Variants in VWF observed in about 807,000 individuals in gnomAD.
VWF encodes the protein von Willebrand factor, also known as Factor VIII related antigen.
VWF carries 176 observed loss-of-function variants against 308.6 expected under a neutral mutation model. The observed-to-expected ratio is 0.57, with a 90% CI of 0.50 to 0.65. The LOEUF (loss-of-function observed/expected upper bound fraction) is 0.65. VWF is among the 30% of genes least tolerant of loss of function. VWF has a pLI of 0.00. For missense variants in VWF, 3,146 were observed against 3,648.2 expected (o/e 0.86, Z 3.55); for synonymous variants, 1,385 against 1,443.4 (o/e 0.96, Z 0.92).
chr12:6,000,795 G>C (rs985006682), intron 34 of VWF, among the ~76,000 whole-genome samples: 3 of 117,100 alleles, frequency 2.6e-5, no homozygotes, highest in Admixed American at 1.2e-4. Context: ...CTGAGCCACA[G>C]AGCGAGACTC....
chr12:5,994,441 A>C lies in VWF; in HGVS notation c.6230T>G (p.Phe2077Cys). The C allele has an allele frequency of 6.2e-7, 1 of 1,614,182 alleles. No homozygotes were observed. The highest frequency in any genetic ancestry group is 8.5e-7 in the Non-Finnish European group (1 of 1,180,024). ...ACACAGACCATACGTCTTTGAAGCA[A>C]AAGTCTTGGGGCTGAGCTGCAGTTG... ...EFQLQLSPKT[F>C]ASKTYGLCGI... Residue 2077 changes from phenylalanine to cysteine, a missense_variant, in exon 36 of 52, where the codon TTT becomes TGT. Physicochemically the swap from Phe to Cys is radical, Grantham distance 205. Transcript: ENST00000261405.
intron 3 of VWF, among the ~76,000 whole-genome samples, chr12:6,112,118 C>A (rs941580493): frequency 1.3e-5 from 2 of 152,068 alleles, no homozygotes; most frequent in South Asian, 4.1e-4. Flanking sequence ...GTGGGTCAAA[C>A]GCCTTACACA....
chr12:6,102,427 G>A (rs1591918817), intron 5 of VWF, among the ~76,000 whole-genome samples: 1 of 147,430 alleles, frequency 6.8e-6, no homozygotes, highest in South Asian at 2.2e-4. Context: ...GGGCTACACA[G>A]TAAGACTGTC....
chr12:6,023,729 A>G lies in VWF; in HGVS notation c.3281T>C (p.Ile1094Thr), dbSNP rs267607317. 112 of 1,613,654 alleles carry G rather than the reference A, an allele frequency of 6.9e-5. No homozygotes were observed. The highest frequency in any genetic ancestry group is 1.7e-4 in the Middle Eastern group (1 of 6,054). The stretch of plus-strand genomic sequence containing the variant: ...GTCGCAGAAGCAGGCGCAGTCCCCA[A>G]TGGACTCACAGGAGCAGGTGTCGTA... ...CIYDTCSCES[I>T]GDCACFCDTI... The change falls in exon 25 of 52, where the codon ATT becomes ACT. Residue 1094 changes from isoleucine (I) to threonine (T), a missense_variant. This residue lies in a region of VWF where 853 missense variants were observed against 1,177.8 expected (regional missense o/e 0.72). Transcript: ENST00000261405.
intron 18 of VWF, among the ~76,000 whole-genome samples, chr12:6,041,105 A>G (rs1307919646): frequency 6.6e-6 from 1 of 152,158 alleles, no homozygotes; most frequent in African/African-American, 2.4e-5. Flanking sequence ...GTAAGAGTTT[A>G]GATTTAGGGA....
chr12:6,035,911 T>A (rs185823862), intron 19 of VWF, among the ~76,000 whole-genome samples: 1 of 152,274 alleles, frequency 6.6e-6, no homozygotes, highest in Non-Finnish European at 1.5e-5. Flanking sequence ...TTTCTGATGG[T>A]TCAATGTACA....
chr12:6,088,411 G>A (rs1251840978), intron 6 of VWF, among the ~76,000 whole-genome samples: 4 of 151,176 alleles, frequency 2.6e-5, no homozygotes, highest in African/African-American at 4.9e-5. Context: ...CCCGGGAGGC[G>A]GAGCTTGCAG....
At chr12:6,093,592 C>T (rs1432693306) in intron 6 of VWF, among the ~76,000 whole-genome samples, 5 of 152,230 alleles carry the variant, frequency 3.3e-5, no homozygotes, top group African/African-American at 1.2e-4. Context: ...AGGAACCTTG[C>T]TCCTCAGATG....
chr12:6,090,891 T>C (rs1181883190), intron 6 of VWF, among the ~76,000 whole-genome samples: 1 of 152,160 alleles, frequency 6.6e-6, no homozygotes, highest in Non-Finnish European at 1.5e-5. Flanking sequence ...CTCAAGGGGC[T>C]ATCAAGGGTA....
intron 18 of VWF, among the ~76,000 whole-genome samples, chr12:6,038,859 G>A (rs1448805047): frequency 6.6e-6 from 1 of 152,240 alleles, no homozygotes; most frequent in Non-Finnish European, 1.5e-5. Flanking sequence ...GGGTTTCCAG[G>A]ACACAGCATG....
intron 50 of VWF, among the ~76,000 whole-genome samples, 189 bp downstream of exon 50, chr12:5,951,655 A>T (rs1277219909): frequency 6.6e-6 from 1 of 152,172 alleles, no homozygotes; most frequent in African/African-American, 2.4e-5. Context: ...ACATCCAAGG[A>T]GGGGAGGCTG....
chr12:6,108,334 T>TATACACACACACAC (rs374693235), intron 5 of VWF, among the ~76,000 whole-genome samples: 1,975 of 124,088 alleles, frequency 0.016, 17 homozygotes, highest in Non-Finnish European at 0.019. Context: ...AAGAAATATA[T>TATACACACACACAC]ACACACACAC....
intron 6 of VWF, among the ~76,000 whole-genome samples, chr12:6,088,433 C>T (rs1417184713): frequency 6.0e-5 from 9 of 148,854 alleles, no homozygotes; most frequent in African/African-American, 2.0e-4. Context: ...GAGCCAAGAT[C>T]GCACTACTGC....
At chr12:5,967,446 G>A (rs374631669) in intron 47 of VWF, 40 bp downstream of exon 47, 46 of 1,571,144 alleles carry the variant, frequency 2.9e-5, no homozygotes, top group Non-Finnish European at 3.6e-5. Context: ...TCCCACACGC[G>A]TCCAGTCCAT....
At chr12:5,994,849 A>T (rs1943791510) in intron 35 of VWF, among the ~76,000 whole-genome samples, 1 of 152,196 alleles carries the variant, frequency 6.6e-6, no homozygotes, top group Admixed American at 6.5e-5. Flanking sequence ...CCATGCACCA[A>T]GAACCTAAAA....
chr12:5,984,089 T>C (rs1278299375), intron 40 of VWF, among the ~76,000 whole-genome samples: 1 of 152,156 alleles, frequency 6.6e-6, no homozygotes, highest in Non-Finnish European at 1.5e-5. Flanking sequence ...CCACTAGGGC[T>C]TTCACATCTC....
At chr12:6,057,518 T>TATTA (rs1272142145) in intron 14 of VWF, among the ~76,000 whole-genome samples, 1 of 138,228 alleles carries the variant, frequency 7.2e-6, no homozygotes, top group African/African-American at 2.7e-5. Flanking sequence ...TTATTATTAT[T>TATTA]ATTATTATTT....
At chr12:5,994,348 G>A in intron 36 of VWF, 67 bp downstream of exon 36, 1 of 1,603,352 alleles carries the variant, frequency 6.2e-7, no homozygotes. Flanking sequence ...AAGAGCCTCA[G>A]AGTAGAGCAA....
chr12:6,048,674 G>A (rs1416637109), intron 16 of VWF, among the ~76,000 whole-genome samples: 3 of 150,806 alleles, frequency 2.0e-5, no homozygotes, highest in Non-Finnish European at 4.4e-5. Context: ...TGTTGACCAG[G>A]CTGGTCTCAA....
Sources: allele counts gnomAD v4.1 joint callset (sites outside exome capture counted in the v4.1 genomes callset), GRCh38; gene constraint gnomAD v4.1.1; regional missense constraint gnomAD v4.1.1; transcripts MANE v1.5; gene names NCBI Gene and HGNC (gene_info 2026-07-23, HGNC 2026-07-21).